LUZP2: variants seen among roughly 807,000 people sequenced by gnomAD.
LUZP2 encodes leucine zipper protein 2.
In LUZP2, 52 loss-of-function variants were observed where a neutral mutation model predicts 51.6. That is an observed-to-expected ratio of 1.01 (90% CI 0.81 to 1.27). LUZP2 has a LOEUF of 1.27. Ranked by LOEUF, LUZP2 falls within the 50% of genes most tolerant of loss-of-function variation. The pLI, the probability that LUZP2 is intolerant of heterozygous loss-of-function variation, is 0.00. For missense variants in LUZP2, 436 were observed against 395.4 expected, an observed-to-expected ratio of 1.10 and a Z score of -0.87; for synonymous variants, 154 against 137.3, an observed-to-expected ratio of 1.12 and a Z score of -0.85.
intron 5 of LUZP2, among the ~76,000 whole-genome samples, chr11:24,785,216 A>C (rs1590521819): frequency 6.6e-6 from 1 of 151,946 alleles, no homozygotes; most frequent in Non-Finnish European, 1.5e-5. Context: ...TGTGGCTTTC[A>C]CCAGATTGCT....
intron 7 of LUZP2, among the ~76,000 whole-genome samples, chr11:24,932,087 A>G (rs970432598): frequency 1.3e-5 from 2 of 152,176 alleles, no homozygotes; most frequent in Non-Finnish European, 2.9e-5. Flanking sequence ...AAGTGTCTGT[A>G]AAGAGTCCTG....
At chr11:24,832,916 A>T (rs1311294357) in intron 5 of LUZP2, among the ~76,000 whole-genome samples, 2 of 108,532 alleles carry the variant, frequency 1.8e-5, no homozygotes, top group Non-Finnish European at 4.0e-5. Context: ...AGTATGATTT[A>T]TTACATAACT....
intron 1 of LUZP2, among the ~76,000 whole-genome samples, chr11:24,585,914 T>C (rs1271997287): frequency 6.6e-6 from 1 of 152,194 alleles, no homozygotes; most frequent in African/African-American, 2.4e-5. Context: ...AATTTATAAT[T>C]AGTCTTGTTC....
intron 4 of LUZP2, among the ~76,000 whole-genome samples, chr11:24,752,572 T>G (rs1230794775): frequency 6.6e-6 from 1 of 152,106 alleles, no homozygotes; most frequent in Non-Finnish European, 1.5e-5. Flanking sequence ...AAAATATGAT[T>G]GGAGTGAGGC....
At chr11:24,871,250 CTT>C (rs1161521755) in intron 5 of LUZP2, among the ~76,000 whole-genome samples, 1 of 151,872 alleles carries the variant, frequency 6.6e-6, no homozygotes, top group East Asian at 1.9e-4. Flanking sequence ...ATTTATATCT[CTT>C]TGAATTTAAA....
At chr11:24,574,287 T>C (rs1270679183) in intron 1 of LUZP2, among the ~76,000 whole-genome samples, 1 of 75,016 alleles carries the variant, frequency 1.3e-5, no homozygotes, top group Non-Finnish European at 2.6e-5. Context: ...TTTCTTTCTT[T>C]CCTTTCTTTC....
At chr11:24,804,665 T>A (rs1849800872) in intron 5 of LUZP2, among the ~76,000 whole-genome samples, 1 of 152,172 alleles carries the variant, frequency 6.6e-6, no homozygotes, top group Non-Finnish European at 1.5e-5. Context: ...GGGCTACTTC[T>A]GAAATGAATC....
chr11:25,036,787 G>A (rs1857878476), intron 9 of LUZP2, among the ~76,000 whole-genome samples: 1 of 151,918 alleles, frequency 6.6e-6, no homozygotes, highest in Non-Finnish European at 1.5e-5. Context: ...TCTTTGTATT[G>A]ATTTCTATTT....
intron 9 of LUZP2, among the ~76,000 whole-genome samples, chr11:25,035,913 T>C (rs1237781460): frequency 2.6e-5 from 4 of 152,094 alleles, no homozygotes; most frequent in Non-Finnish European, 5.9e-5. Context: ...ATGAGGGATA[T>C]TGGCCTACAT....
chr11:24,590,284 T>C (rs146089912), intron 1 of LUZP2, among the ~76,000 whole-genome samples: 18 of 152,316 alleles, frequency 1.2e-4, no homozygotes, highest in Non-Finnish European at 2.1e-4. Context: ...ATTTACTTTT[T>C]AAATTTACAC....
chr11:25,050,075 A>C lies in LUZP2; in HGVS notation c.803A>C (p.Gln268Pro). 6.3e-7 allele frequency: 1 copy of C among 1,599,436 alleles called. No individual in the cohort carries two copies. Among genetic ancestry groups the C allele is most frequent in the Non-Finnish European group, 8.5e-7 (1 of 1,172,568 alleles). ...QSASGNNESSQVESTKEGNPS... is the reference protein window; with the variant it reads ...QSASGNNESSPVESTKEGNPS... ...GCTTCTGGAAACAATGAGAGCTCTC[A>C]AGTTGAGTCAACAAAGGAAGGAAAT... Residue 268 changes from glutamine to proline, a missense_variant, in exon 10 of 12, where the codon CAA becomes CCA. Coordinates refer to ENST00000336930, the MANE Select transcript of LUZP2 (RefSeq NM_001009909.4).
At chr11:25,007,469 G>A (rs1433116853) in intron 9 of LUZP2, among the ~76,000 whole-genome samples, 3 of 152,080 alleles carry the variant, frequency 2.0e-5, no homozygotes, top group Admixed American at 6.6e-5. Flanking sequence ...TGGGCATGGT[G>A]GCATGTGCCT....
chr11:24,957,566 A>G (rs946736568), intron 7 of LUZP2, among the ~76,000 whole-genome samples: 4 of 152,074 alleles, frequency 2.6e-5, no homozygotes, highest in African/African-American at 9.7e-5. Flanking sequence ...AGTTTGTTTC[A>G]GAGACTACAT....
In LUZP2 at chr11:24,901,333, G is replaced by A. The variant is rs1028944494; in HGVS notation, c.397-4658G>A. ...ACAAAGGAGCATTTCTTCAACAATT[G>A]GTGCACAAGTAACTGGATGTTTGCA... On this transcript the variant is annotated intron_variant, in intron 5 of 11. Transcript: ENST00000336930. Among the ~76,000 whole-genome samples the A allele has an allele frequency of 2.0e-5, 3 of 150,660 alleles. No homozygotes were observed. The East Asian group carries it at 5.9e-4, about 29-fold the overall frequency.
intron 1 of LUZP2, among the ~76,000 whole-genome samples, chr11:24,676,885 T>TA (rs1856573714): frequency 6.6e-6 from 1 of 152,170 alleles, no homozygotes; most frequent in African/African-American, 2.4e-5. Context: ...TAGGCTGGTT[T>TA]CGAACTCCTG....
At chr11:24,844,663 G>C (rs1207487853) in intron 5 of LUZP2, among the ~76,000 whole-genome samples, 3 of 152,152 alleles carry the variant, frequency 2.0e-5, no homozygotes, top group South Asian at 4.1e-4. Flanking sequence ...TAGGAGATAA[G>C]CATGGTTTTG....
intron 1 of LUZP2, among the ~76,000 whole-genome samples, chr11:24,558,095 T>C (rs769857608): frequency 5.3e-5 from 8 of 152,100 alleles, no homozygotes; most frequent in Non-Finnish European, 1.0e-4. Flanking sequence ...GAATTCTTGC[T>C]CTCTCTTCTG....
intron 7 of LUZP2, among the ~76,000 whole-genome samples, chr11:24,957,469 A>G (rs190725124): frequency 3.5e-4 from 53 of 152,110 alleles, no homozygotes; most frequent in Non-Finnish European, 7.1e-4. Context: ...TCATATTCCA[A>G]TTGAGGCTTT....
At chr11:24,872,963 C>G (rs902534740) in intron 5 of LUZP2, among the ~76,000 whole-genome samples, 2 of 152,000 alleles carry the variant, frequency 1.3e-5, no homozygotes, top group African/African-American at 2.4e-5. Context: ...AACACTCTAT[C>G]AAATAAAAAT....
Sources: gnomAD v4.1 joint callset for allele counts (sites outside exome capture counted in the v4.1 genomes callset) on GRCh38, gnomAD v4.1.1 for gene constraint, MANE v1.5 for transcripts, NCBI Gene and HGNC (gene_info 2026-07-23, HGNC 2026-07-21) for gene names.